IPO11: variants seen among roughly 807,000 people sequenced by gnomAD.
IPO11 encodes the protein importin-11.
A neutral mutation model predicts 143.2 loss-of-function variants in IPO11; 66 were observed. The observed-to-expected ratio is 0.46, with a 90% CI of 0.38 to 0.57. The LOEUF is 0.57. Among genes scored for constraint, IPO11 ranks in the 20% least tolerant of loss-of-function variants. The pLI is 0.00. For missense variants in IPO11, 1,026 were observed against 1,141.0 expected, an observed-to-expected ratio of 0.90 and a Z score of 1.45; for synonymous variants, 385 against 377.8, an observed-to-expected ratio of 1.02 and a Z score of -0.22.
chr5:62,569,289 T>G (rs1483675556), intron 27 of IPO11, among the ~76,000 whole-genome samples: 1 of 152,188 alleles, frequency 6.6e-6, no homozygotes, highest in Non-Finnish European at 1.5e-5. Flanking sequence ...AGACTGTTCT[T>G]TCTTCCCCTT....
chr5:62,492,095 T>C (rs1746635721), intron 15 of IPO11, among the ~76,000 whole-genome samples: 1 of 152,192 alleles, frequency 6.6e-6, no homozygotes, highest in Non-Finnish European at 1.5e-5. Flanking sequence ...AAAGTTTAGG[T>C]TTTGACTTAG....
intron 4 of IPO11, 60 bp downstream of exon 4, chr5:62,450,059 T>G: frequency 9.4e-7 from 1 of 1,058,808 alleles, no homozygotes; most frequent in Non-Finnish European, 1.4e-6. Flanking sequence ...CAAACTAATT[T>G]TATATTCTGG....
At chr5:62,505,101 C>G (rs1400321228) in intron 18 of IPO11, among the ~76,000 whole-genome samples, 1 of 151,732 alleles carries the variant, frequency 6.6e-6, no homozygotes, top group Non-Finnish European at 1.5e-5. Context: ...CACTTATATT[C>G]TGCTTACTTT....
At chr5:62,625,662 T>G (rs911210601) in intron 29 of IPO11, among the ~76,000 whole-genome samples, 18 of 152,252 alleles carry the variant, frequency 1.2e-4, no homozygotes, top group African/African-American at 4.1e-4. Context: ...CCGATCTATA[T>G]TCTAGTTGTG....
intron 22 of IPO11, among the ~76,000 whole-genome samples, chr5:62,533,286 A>G (rs575164507): frequency 2.0e-5 from 3 of 149,746 alleles, no homozygotes; most frequent in Non-Finnish European, 2.9e-5. Flanking sequence ...ATCTTGGCTC[A>G]CTGCAACCTC....
At chr5:62,498,533 T>A (rs1304176649) in intron 16 of IPO11, among the ~76,000 whole-genome samples, 2 of 152,228 alleles carry the variant, frequency 1.3e-5, no homozygotes, top group Non-Finnish European at 2.9e-5. Flanking sequence ...ACTGGGCTTC[T>A]TTAGGCTGTA....
In IPO11 at chr5:62,449,979, T is replaced by C; in HGVS notation, c.292T>C (p.Phe98Leu). Residue 98 changes from phenylalanine (F) to leucine (L), a missense_variant, in exon 4 of 30, where the codon TTC becomes CTC. Physicochemically the swap from Phe to Leu is conservative, Grantham distance 22. Transcript: ENST00000325324. ...TCTGCGTGCAGGGCTCATCACCAAC[T>C]TCAATGAACCAATAAACCAGGTTAG... ...TTLRAGLITN[F>L]NEPINQIATQ... 6.3e-7 allele frequency: 1 copy of C among 1,599,778 alleles called. No homozygotes were observed. The highest frequency in any genetic ancestry group is 8.5e-7 in the Non-Finnish European group (1 of 1,174,322).
At chr5:62,457,403 A>G (rs1430579020) in intron 5 of IPO11, among the ~76,000 whole-genome samples, 1 of 151,996 alleles carries the variant, frequency 6.6e-6, no homozygotes, top group Non-Finnish European at 1.5e-5. Flanking sequence ...AGGATCACTT[A>G]AGCCTAGGAG....
chr5:62,466,664 T>C (rs1745586417), intron 5 of IPO11, among the ~76,000 whole-genome samples: 1 of 152,224 alleles, frequency 6.6e-6, no homozygotes, highest in East Asian at 1.9e-4. Context: ...GTGGTTTGTA[T>C]GTTCCTGGCA....
intron 28 of IPO11, among the ~76,000 whole-genome samples, chr5:62,600,197 G>A (rs1243100068): frequency 1.3e-5 from 2 of 152,008 alleles, no homozygotes; most frequent in Non-Finnish European, 1.5e-5. Context: ...CTGCCACCAC[G>A]CCTGGCTAGT....
At chr5:62,596,818 G>A (rs1157572629) in intron 28 of IPO11, among the ~76,000 whole-genome samples, 1 of 152,112 alleles carries the variant, frequency 6.6e-6, no homozygotes, top group Non-Finnish European at 1.5e-5. Context: ...ACAGGATCAA[G>A]TTAATGGGGC....
At chr5:62,615,460 A>G (rs1746094662) in intron 29 of IPO11, among the ~76,000 whole-genome samples, 1 of 152,214 alleles carries the variant, frequency 6.6e-6, no homozygotes, top group Admixed American at 6.5e-5. Flanking sequence ...CCATGTGCCA[A>G]AATAGTAGAT....
At chr5:62,435,602 A>G (rs1744197174) in intron 1 of IPO11, among the ~76,000 whole-genome samples, 1 of 150,972 alleles carries the variant, frequency 6.6e-6, no homozygotes. Flanking sequence ...TGGGCTGCGC[A>G]TGGTGGCTCG....
At chr5:62,490,937 T>A (rs1746589679) in intron 15 of IPO11, among the ~76,000 whole-genome samples, 1 of 152,156 alleles carries the variant, frequency 6.6e-6, no homozygotes, top group African/African-American at 2.4e-5. Context: ...ATTCTTACGT[T>A]TTATATACAT....
chr5:62,460,829 G>GA (rs141220307), intron 5 of IPO11, among the ~76,000 whole-genome samples: 3,087 of 152,116 alleles, frequency 0.02, 51 homozygotes, highest in South Asian at 0.033. Flanking sequence ...ATCACATGTA[G>GA]AAAAAAATAT....
intron 16 of IPO11, among the ~76,000 whole-genome samples, chr5:62,498,311 T>C (rs1484246227): frequency 6.6e-6 from 1 of 152,202 alleles, no homozygotes; most frequent in African/African-American, 2.4e-5. Flanking sequence ...TTCTATACAA[T>C]AGACCAAAAC....
At chr5:62,505,878 G>A (rs1298058326) in intron 18 of IPO11, among the ~76,000 whole-genome samples, 7 of 151,916 alleles carry the variant, frequency 4.6e-5, no homozygotes. Context: ...AAAACATTTC[G>A]TGATTGGCAC....
chr5:62,417,600 G>A (rs1743347318), intron 1 of IPO11, among the ~76,000 whole-genome samples: 1 of 151,866 alleles, frequency 6.6e-6, no homozygotes, highest in South Asian at 2.1e-4. Context: ...TGACTCTGAG[G>A]CACTACCCTG....
chr5:62,503,371 A>ATTAATATATTAATAGTAT (rs2112259840), intron 16 of IPO11, among the ~76,000 whole-genome samples: 3 of 141,584 alleles, frequency 2.1e-5, no homozygotes, highest in South Asian at 4.5e-4. Context: ...AATAGTATCT[A>ATTAATATATTAATAGTAT]CTAATATATT....
Sources: gnomAD v4.1 joint callset for allele counts (sites outside exome capture counted in the v4.1 genomes callset) on GRCh38, gnomAD v4.1.1 for gene constraint, MANE v1.5 for transcripts, NCBI Gene and HGNC (gene_info 2026-07-23, HGNC 2026-07-21) for gene names.